Variants in DGUOK observed in about 807,000 individuals in gnomAD.
DGUOK encodes deoxyguanosine kinase, mitochondrial.
DGUOK carries 30 observed loss-of-function variants against 36.6 expected under a neutral mutation model. The ratio of observed to expected loss-of-function variants is 0.82; its 90% CI spans 0.61 to 1.11. The LOEUF (loss-of-function observed/expected upper bound fraction) is 1.11, where lower values mean the gene tolerates loss of function less well. Among genes scored for constraint, DGUOK ranks in the 50% most tolerant of loss-of-function variants. DGUOK has a pLI of 0.00. For synonymous variants in DGUOK, 145 were observed against 126.3 expected (o/e 1.15, Z -0.99); for missense variants, 361 against 336.4 (o/e 1.07, Z -0.57).
chr2:73,950,560 C>A, intron 3 of DGUOK, 25 bp from the exon 4 acceptor site: 1 of 1,613,836 alleles, frequency 6.2e-7, no homozygotes, highest in Non-Finnish European at 8.5e-7. Flanking sequence ...CCTGCCCTCC[C>A]CATTCCCATC....
intron 1 of DGUOK, among the ~76,000 whole-genome samples, chr2:73,927,719 T>G (rs970198489): frequency 4.6e-5 from 7 of 152,224 alleles, no homozygotes; most frequent in Admixed American, 4.6e-4. Flanking sequence ...ATTATTTTGT[T>G]AAAAGAGTGA....
Position 73,958,749 on chromosome 2 carries a change from AGT to A in DGUOK, c.*14_*15del, listed in dbSNP as rs750800572. 1.7e-5 allele frequency: 27 copies of A among 1,608,778 alleles called. No homozygotes were observed. Among genetic ancestry groups the A allele is most frequent in the Non-Finnish European group, 2.2e-5 (26 of 1,175,256 alleles). On this transcript the variant is annotated 3_prime_UTR_variant, in exon 7 of 7. Transcript: ENST00000264093. ...AAAGAATCTGTAACCAATACCATGA[AGT>A]TCAGGCTGTGATCTGGGCTCCCTGA...
At position 73,927,004 on chromosome 2, in the gene DGUOK, C is replaced by G; in HGVS notation, c.94C>G (p.Leu32Val). ...CGAGGGCGTTTCCTCCTCCAGAGGC[C>G]TGCACGCGGGGCGCGGGCCCCGAAG... ...PLEGVSSSRG[L>V]HAGRGPRRLS... The change falls in exon 1 of 7, where the codon CTG becomes GTG. Residue 32 changes from leucine to valine, a missense_variant. Leu to Val is a conservative substitution (Grantham distance 32). Transcript: ENST00000264093. 1 of 1,611,852 alleles carries G rather than the reference C, an allele frequency of 6.2e-7. No homozygotes were observed. Among genetic ancestry groups the G allele is most frequent in the Non-Finnish European group, 8.5e-7 (1 of 1,180,036 alleles).
chr2:73,935,600 G>A (rs1410893072), intron 1 of DGUOK, among the ~76,000 whole-genome samples: 2 of 152,146 alleles, frequency 1.3e-5, no homozygotes, highest in Non-Finnish European at 2.9e-5. Flanking sequence ...TCTGTGGGTG[G>A]TACCTGGCAC....
At chr2:73,942,474 A>G (rs1681974736) in intron 2 of DGUOK, among the ~76,000 whole-genome samples, 1 of 152,182 alleles carries the variant, frequency 6.6e-6, no homozygotes, top group Non-Finnish European at 1.5e-5. Flanking sequence ...ATTCCTGAGC[A>G]GAATATATAT....
chr2:73,957,545 G>A (rs1450816052), intron 5 of DGUOK, among the ~76,000 whole-genome samples: 1 of 152,090 alleles, frequency 6.6e-6, no homozygotes, highest in Non-Finnish European at 1.5e-5. Context: ...GTGGTGTCAG[G>A]CGCCTGTAAT....
chr2:73,934,067 C>A (rs956312412), intron 1 of DGUOK, among the ~76,000 whole-genome samples: 2 of 152,072 alleles, frequency 1.3e-5, no homozygotes, highest in African/African-American at 2.4e-5. Flanking sequence ...TAAATATAGG[C>A]TCCTATGAAA....
At chr2:73,934,103 T>C (rs1202554741) in intron 1 of DGUOK, among the ~76,000 whole-genome samples, 1 of 152,158 alleles carries the variant, frequency 6.6e-6, no homozygotes, top group Non-Finnish European at 1.5e-5. Context: ...CGTAAAATAA[T>C]GGGATCTGTT....
chr2:73,935,298 A>G (rs559290982), intron 1 of DGUOK, among the ~76,000 whole-genome samples: 22 of 152,338 alleles, frequency 1.4e-4, no homozygotes, highest in African/African-American at 5.3e-4. Context: ...AGTCTGAGAT[A>G]GTGATATCAT....
intron 2 of DGUOK, 35 bp downstream of exon 2, chr2:73,939,057 A>G (rs1681703531): frequency 7.6e-7 from 1 of 1,322,220 alleles, no homozygotes; most frequent in Admixed American, 1.7e-5. Context: ...GTTGGCAGGC[A>G]TGGGTGAATA....
Position 73,958,175 on chromosome 2 carries a change from C to T in DGUOK, c.737C>T (p.Pro246Leu), listed in dbSNP as rs780483507. The T allele has an allele frequency of 6.2e-7, 1 of 1,613,764 alleles. No individual in the cohort carries two copies. Among genetic ancestry groups the T allele is most frequent in the Non-Finnish European group, 8.5e-7 (1 of 1,179,802 alleles). The change falls in exon 6 of 7, where the codon CCA becomes CTA. Residue 246 changes from proline to leucine, a missense_variant. Transcript: ENST00000264093. ...KLHFEALMNI[P>L]VLVLDVNDDF... ...CACTTTGAGGCTCTGATGAACATTC[C>T]AGTGCTGGTGTTGGATGTCAATGAT... is the stretch of plus-strand genomic sequence containing the variant.
intron 1 of DGUOK, 106 bp from the exon 2 acceptor site, chr2:73,938,804 A>G: frequency 1.3e-6 from 1 of 795,800 alleles, no homozygotes; most frequent in Admixed American, 1.7e-5. Context: ...TCAGAAAACT[A>G]ATACTTGTTC....
intron 4 of DGUOK, among the ~76,000 whole-genome samples, chr2:73,952,713 A>T (rs1236335872): frequency 6.6e-6 from 1 of 152,152 alleles, no homozygotes; most frequent in Non-Finnish European, 1.5e-5. Context: ...GGAGTGAGAG[A>T]GGAAGTGGGC....
intron 5 of DGUOK, 98 bp downstream of exon 5, chr2:73,957,338 T>A: frequency 1.1e-6 from 1 of 873,012 alleles, no homozygotes; most frequent in Non-Finnish European, 1.9e-6. Context: ...GTAGGAAGGT[T>A]CAGAATATAC....
intron 1 of DGUOK, among the ~76,000 whole-genome samples, chr2:73,929,284 A>G (rs1558640154): frequency 6.6e-6 from 1 of 152,038 alleles, no homozygotes; most frequent in East Asian, 1.9e-4. Flanking sequence ...AATTTTGTAT[A>G]TTTTTTGTAG....
At chr2:73,937,695 C>G (rs1370777874) in intron 1 of DGUOK, among the ~76,000 whole-genome samples, 1 of 152,112 alleles carries the variant, frequency 6.6e-6, no homozygotes, top group Non-Finnish European at 1.5e-5. Flanking sequence ...TGTGGAATGT[C>G]CCAAGTGGAG....
At chr2:73,935,491 TATGATGATC>T (rs1681389577) in intron 1 of DGUOK, among the ~76,000 whole-genome samples, 1 of 152,102 alleles carries the variant, frequency 6.6e-6, no homozygotes, top group African/African-American at 2.4e-5. Flanking sequence ...AAAAAAAATC[TATGATGATC>T]AGGTATCACA....
rs560564448 is a variant in DGUOK at position 73,938,973 on chromosome 2, C to T, written c.206C>T (p.Thr69Ile). 8 of 1,614,100 alleles carry T rather than the reference C, an allele frequency of 5.0e-6. No individual in the cohort carries two copies. The South Asian group carries it at 5.5e-5, about 11-fold the overall frequency. ...TKTYPEWHVATEPVATWQNIQ... is the reference protein window; with the variant it reads ...TKTYPEWHVAIEPVATWQNIQ... ...ACTTACCCAGAATGGCACGTAGCTA[C>T]AGAACCTGTAGCAACATGGCAGAAT... Residue 69 changes from threonine (T) to isoleucine (I), a missense_variant, in exon 2 of 7, where the codon ACA (threonine) becomes ATA (isoleucine). Transcript: ENST00000264093.
chr2:73,953,417 A>G (rs1329654095), intron 4 of DGUOK, among the ~76,000 whole-genome samples: 1 of 152,122 alleles, frequency 6.6e-6, no homozygotes, highest in Non-Finnish European at 1.5e-5. Context: ...ATGGCAGAAA[A>G]GAAAAATAGC....
Sources: allele counts gnomAD v4.1 joint callset (sites outside exome capture counted in the v4.1 genomes callset), GRCh38; gene constraint gnomAD v4.1.1; transcripts MANE v1.5; gene names NCBI Gene and HGNC (gene_info 2026-07-23, HGNC 2026-07-21).